NDUFS4: variants seen among roughly 807,000 people sequenced by gnomAD.
NDUFS4 encodes NADH dehydrogenase [ubiquinone] iron-sulfur protein 4, mitochondrial.
NDUFS4 carries 28 observed loss-of-function variants against 24.3 expected under a neutral mutation model. That is an observed-to-expected ratio of 1.15 (90% CI 0.85 to 1.58). The LOEUF (loss-of-function observed/expected upper bound fraction) is 1.58, where lower values mean the gene tolerates loss of function less well. NDUFS4 is among the 40% of genes most tolerant of loss of function. NDUFS4 has a pLI of 0.00. For missense variants in NDUFS4, 223 were observed against 207.9 expected (o/e 1.07, Z -0.45); for synonymous variants, 93 against 69.7 (o/e 1.34, Z -1.67).
chr5:53,617,330 C>T (rs927091608), intron 2 of NDUFS4, among the ~76,000 whole-genome samples: 12 of 152,150 alleles, frequency 7.9e-5, no homozygotes, highest in South Asian at 2.1e-4. Context: ...CTTTTCCCCT[C>T]TGTCTTTTGA....
Position 53,647,427 on chromosome 5 carries a change from G to A in NDUFS4, c.350+1022G>A, listed in dbSNP as rs371438522. Among the ~76,000 whole-genome samples the A allele has an allele frequency of 4.6e-5, 7 of 151,912 alleles. No individual in the cohort carries two copies. The East Asian group carries it at 5.8e-4, about 13-fold the overall frequency. ...GAAATGGAGTCTCGCTTTGTTGCCCGGGCTGGTCTCGAACTCCGGGCTTCA... is the reference window on the plus strand; with the variant it reads ...GAAATGGAGTCTCGCTTTGTTGCCCAGGCTGGTCTCGAACTCCGGGCTTCA... On this transcript the variant is annotated intron_variant, in intron 3 of 4. Transcript: ENST00000296684.
intron 1 of NDUFS4, among the ~76,000 whole-genome samples, chr5:53,601,517 G>T (rs1750325440): frequency 6.6e-6 from 1 of 152,132 alleles, no homozygotes; most frequent in Admixed American, 6.5e-5. Flanking sequence ...GTAAAAAATT[G>T]CACAAAATGG....
intron 4 of NDUFS4, among the ~76,000 whole-genome samples, chr5:53,674,183 T>C (rs1357296387): frequency 6.6e-6 from 1 of 152,184 alleles, no homozygotes; most frequent in Non-Finnish European, 1.5e-5. Flanking sequence ...GAAGAAAAAG[T>C]ATATTGTGTG....
At chr5:53,579,514 C>T (rs1047856359) in intron 1 of NDUFS4, among the ~76,000 whole-genome samples, 4 of 152,112 alleles carry the variant, frequency 2.6e-5, no homozygotes, top group Non-Finnish European at 5.9e-5. Context: ...ACTTTGCATG[C>T]CTGGGCAACA....
intron 1 of NDUFS4, among the ~76,000 whole-genome samples, chr5:53,580,947 C>T (rs1389607521): frequency 6.6e-6 from 1 of 152,058 alleles, no homozygotes; most frequent in Admixed American, 6.6e-5. Context: ...GATTCTCCTG[C>T]CCCAGCCTCC....
intron 1 of NDUFS4, among the ~76,000 whole-genome samples, chr5:53,600,224 C>T (rs1381692077): frequency 6.6e-6 from 1 of 151,690 alleles, no homozygotes; most frequent in Non-Finnish European, 1.5e-5. Flanking sequence ...GTCTGGAACT[C>T]CTGAACTTAG....
chr5:53,622,444 A>T (rs1318335567), intron 2 of NDUFS4, among the ~76,000 whole-genome samples: 1 of 152,156 alleles, frequency 6.6e-6, no homozygotes. Context: ...ATGTGTCTAC[A>T]TGGCCACAGA....
chr5:53,561,577 T>A (rs554627100), intron 1 of NDUFS4, among the ~76,000 whole-genome samples: 16 of 152,226 alleles, frequency 1.1e-4, no homozygotes, highest in East Asian at 7.7e-4. Context: ...TGGAGTTTTT[T>A]AAATTATAGT....
chr5:53,586,905 C>T (rs55689727), intron 1 of NDUFS4, among the ~76,000 whole-genome samples: 63,997 of 151,774 alleles, frequency 0.42, 14,314 homozygotes, highest in Admixed American at 0.5. Flanking sequence ...CTCACTGCAA[C>T]TTCCACTTCC....
intron 2 of NDUFS4, among the ~76,000 whole-genome samples, chr5:53,642,692 T>G (rs931393432): frequency 6.6e-6 from 1 of 152,142 alleles, no homozygotes; most frequent in African/African-American, 2.4e-5. Flanking sequence ...AAACTAGTAT[T>G]TTATCATGGA....
intron 1 of NDUFS4, among the ~76,000 whole-genome samples, chr5:53,582,674 A>G (rs1579834375): frequency 6.6e-6 from 1 of 152,320 alleles, no homozygotes; most frequent in East Asian, 1.9e-4. Flanking sequence ...TGTACTTACT[A>G]TGCTTCATCA....
At chr5:53,659,896 A>G (rs1303065711) in intron 4 of NDUFS4, among the ~76,000 whole-genome samples, 1 of 152,124 alleles carries the variant, frequency 6.6e-6, no homozygotes, top group East Asian at 1.9e-4. Context: ...CATACGTGCA[A>G]TGAGAATTGC....
At chr5:53,585,077 G>A (rs1016540486) in intron 1 of NDUFS4, among the ~76,000 whole-genome samples, 1 of 152,144 alleles carries the variant, frequency 6.6e-6, no homozygotes, top group Non-Finnish European at 1.5e-5. Flanking sequence ...ATGTTTTAAA[G>A]TTAAAAAATC....
In NDUFS4 at chr5:53,587,280, T is replaced by TCC. The variant is rs1749792553; in HGVS notation, c.99-16172_99-16171insCC. Among the ~76,000 whole-genome samples the TCC allele has an allele frequency of 2.0e-5, 3 of 152,252 alleles. No individual in the cohort carries two copies. The East Asian group carries it at 5.8e-4, about 29-fold the overall frequency. Reference sequence around the variant, plus strand: ...AGAAAATATATTATTCTTGCCCATTTTTCCACAGAGGAGGCATACTAATTG... The same window carrying TCC: ...AGAAAATATATTATTCTTGCCCATTTCCTTCCACAGAGGAGGCATACTAATTG... On this transcript the variant is annotated intron_variant, in intron 1 of 4. Transcript: ENST00000296684.
intron 4 of NDUFS4, among the ~76,000 whole-genome samples, chr5:53,661,959 T>A (rs543997955): frequency 6.6e-6 from 1 of 152,238 alleles, no homozygotes; most frequent in African/African-American, 2.4e-5. Context: ...CAATTTGACT[T>A]CCTCTTTTCC....
chr5:53,566,306 TACAA>T (rs1246714847), intron 1 of NDUFS4, among the ~76,000 whole-genome samples: 4 of 152,218 alleles, frequency 2.6e-5, no homozygotes, highest in South Asian at 2.1e-4. Flanking sequence ...CTGTACTGAA[TACAA>T]ACAATTTCAA....
intron 1 of NDUFS4, among the ~76,000 whole-genome samples, chr5:53,599,450 A>C (rs1194282510): frequency 6.6e-6 from 1 of 152,134 alleles, no homozygotes; most frequent in Non-Finnish European, 1.5e-5. Flanking sequence ...AAATGTTGTA[A>C]AAGGGTGTAA....
At chr5:53,563,932 A>T (rs956352109) in intron 1 of NDUFS4, among the ~76,000 whole-genome samples, 1 of 152,200 alleles carries the variant, frequency 6.6e-6, no homozygotes, top group Admixed American at 6.5e-5. Context: ...TATACTTAAG[A>T]TATTTGATGC....
At chr5:53,659,070 T>A (rs1322135145) in intron 4 of NDUFS4, among the ~76,000 whole-genome samples, 1 of 152,154 alleles carries the variant, frequency 6.6e-6, no homozygotes, top group Non-Finnish European at 1.5e-5. Context: ...AAATATTGTC[T>A]TATTGCCTGT....
Sources: allele counts gnomAD v4.1 joint callset (sites outside exome capture counted in the v4.1 genomes callset), GRCh38; gene constraint gnomAD v4.1.1; transcripts MANE v1.5; gene names NCBI Gene and HGNC (gene_info 2026-07-23, HGNC 2026-07-21).